The following PRUNE2 variants were observed in gnomAD, a reference collection of about 807,000 sequenced individuals.
PRUNE2 encodes the protein prune homolog 2 with BCH domain.
Under a neutral mutation model 252.0 loss-of-function variants are expected in PRUNE2, and 164 were observed. The observed-to-expected ratio is 0.65, with a 90% CI of 0.57 to 0.74. PRUNE2 has a LOEUF of 0.74. Among genes scored for constraint, PRUNE2 ranks in the 30% least tolerant of loss-of-function variants. The pLI is 0.00. For synonymous variants in PRUNE2, 1,292 were observed against 1,350.2 expected (o/e 0.96, Z 0.94); for missense variants, 3,495 against 3,711.0 (o/e 0.94, Z 1.51).
At chr9:76,656,157 C>T (rs1849138998) in intron 9 of PRUNE2, among the ~76,000 whole-genome samples, 1 of 152,164 alleles carries the variant, frequency 6.6e-6, no homozygotes, top group Admixed American at 6.6e-5. Context: ...GAGCCCACAA[C>T]CATCTGTATT....
intron 12 of PRUNE2, among the ~76,000 whole-genome samples, chr9:76,640,242 A>G (rs1841990558): frequency 6.6e-6 from 1 of 152,220 alleles, no homozygotes; most frequent in Non-Finnish European, 1.5e-5. Context: ...TCATGGCAGT[A>G]AAGTAATGGC....
At chr9:76,614,645 A>G (rs1480954312) in intron 18 of PRUNE2, 45 bp from the exon 19 acceptor site, 2 of 1,444,732 alleles carry the variant, frequency 1.4e-6, no homozygotes, top group African/African-American at 1.4e-5. Context: ...AAACCAAATG[A>G]GAGACATTTA....
intron 9 of PRUNE2, among the ~76,000 whole-genome samples, chr9:76,669,981 C>T (rs1212678915): frequency 6.6e-6 from 1 of 152,194 alleles, no homozygotes; most frequent in Non-Finnish European, 1.5e-5. Context: ...GTACTTTGCA[C>T]CACTTTGCCC....
At position 76,707,697 on chromosome 9, in the gene PRUNE2, C is replaced by T. The variant is rs1429409490; in HGVS notation, c.4577G>A (p.Gly1526Asp). ...ATCTCTGTCAAAATTTCCAGACGAA[C>T]CGGCTCCTGGAAGGCTATTTTCAGA... ...KGSENSLPGA[G>D]SSGNFDRDTI... The change falls in exon 8 of 19, where the codon GGT (glycine) becomes GAT (aspartate). Residue 1526 changes from glycine (G) to aspartate (D), a missense_variant. Transcript: ENST00000376718. 18 of 1,613,760 alleles carry T rather than the reference C, an allele frequency of 1.1e-5. No homozygotes were observed. Among genetic ancestry groups the T allele is most frequent in the Non-Finnish European group, 1.5e-5 (18 of 1,179,856 alleles).
chr9:76,647,695 T>C (rs1328444989), intron 11 of PRUNE2, among the ~76,000 whole-genome samples: 1 of 152,196 alleles, frequency 6.6e-6, no homozygotes, highest in Non-Finnish European at 1.5e-5. Context: ...CCAGGTGCAG[T>C]GGCTCACGCC....
At chr9:76,800,677 G>A (rs779427514) in intron 6 of PRUNE2, among the ~76,000 whole-genome samples, 3 of 152,070 alleles carry the variant, frequency 2.0e-5, no homozygotes, top group East Asian at 1.9e-4. Flanking sequence ...AAGACATTGC[G>A]CCCTACTCCT....
intron 9 of PRUNE2, among the ~76,000 whole-genome samples, chr9:76,669,764 C>T (rs996575602): frequency 6.6e-6 from 1 of 152,214 alleles, no homozygotes; most frequent in African/African-American, 2.4e-5. Context: ...GGGCAACCCT[C>T]ACTTGGCTTT....
chr9:76,807,975 C>T (rs55903340), intron 6 of PRUNE2, among the ~76,000 whole-genome samples: 40,547 of 151,928 alleles, frequency 0.27, 5,641 homozygotes, highest in African/African-American at 0.35. Context: ...GTCAGGAGTT[C>T]GAGACCAGCC....
intron 17 of PRUNE2, among the ~76,000 whole-genome samples, chr9:76,622,615 C>T (rs1423513743): frequency 3.3e-5 from 5 of 152,104 alleles, no homozygotes; most frequent in African/African-American, 4.8e-5. Context: ...TCTCACTGAG[C>T]GTTCTCTCTC....
At chr9:76,617,457 AAATGCAGCCC>A (rs1247127157) in intron 18 of PRUNE2, among the ~76,000 whole-genome samples, 1 of 152,068 alleles carries the variant, frequency 6.6e-6, no homozygotes, top group Non-Finnish European at 1.5e-5. Context: ...CAGAAGAAGT[AAATGCAGCCC>A]TTATTCTAAT....
At chr9:76,652,252 G>A in intron 11 of PRUNE2, 1 of 462,912 alleles carries the variant, frequency 2.2e-6, no homozygotes, top group Admixed American at 3.6e-5. Context: ...TAGCATAAAT[G>A]CTAGCACAGA....
chr9:76,673,875 C>T (rs2042010493), intron 9 of PRUNE2, among the ~76,000 whole-genome samples: 1 of 152,110 alleles, frequency 6.6e-6, no homozygotes, highest in African/African-American at 2.4e-5. Flanking sequence ...TAAAAACTCT[C>T]AATAAATTAG....
intron 6 of PRUNE2, among the ~76,000 whole-genome samples, chr9:76,724,523 C>T (rs1190423270): frequency 6.6e-6 from 1 of 152,086 alleles, no homozygotes; most frequent in East Asian, 1.9e-4. Context: ...GGGCTGATTT[C>T]AGGCACACCT....
rs201824666 is a variant in PRUNE2 at position 76,707,685 on chromosome 9, T to C, written c.4589A>G (p.Asn1530Ser). The change falls in exon 8 of 19, where the codon AAT (asparagine) becomes AGT (serine). Residue 1530 changes from asparagine (N) to serine (S), a missense_variant. Coordinates refer to ENST00000376718, the MANE Select transcript of PRUNE2 (RefSeq NM_015225.3). ...NSLPGAGSSG[N>S]FDRDTISSEY... Reference sequence around the variant, plus strand: ...ACTAGAAATAGTATCTCTGTCAAAATTTCCAGACGAACCGGCTCCTGGAAG... The same window carrying C: ...ACTAGAAATAGTATCTCTGTCAAAACTTCCAGACGAACCGGCTCCTGGAAG... 23 of 1,613,930 alleles carry C rather than the reference T, an allele frequency of 1.4e-5. No individual in the cohort carries two copies. The South Asian group carries it at 2.2e-4, about 15-fold the overall frequency.
At position 76,705,191 on chromosome 9, in the gene PRUNE2, G is replaced by A. The variant is rs774460664; in HGVS notation, c.7083C>T (p.Ile2361=). The part of the protein sequence containing the change: ...DFEYDVMGQN[I]DEDLLREPEH... Reference sequence around the variant, plus strand: ...CAGGCTCTCTCAGTAAATCTTCATCGATATTCTGGCCCATTACATCATATT... The same window carrying A: ...CAGGCTCTCTCAGTAAATCTTCATCAATATTCTGGCCCATTACATCATATT... Residue 2361 remains isoleucine (I), a synonymous_variant, in exon 8 of 19, where the codon ATC becomes ATT. Coordinates refer to ENST00000376718, the MANE Select transcript of PRUNE2 (RefSeq NM_015225.3). The A allele has an allele frequency of 1.4e-5, 22 of 1,613,986 alleles. No individual in the cohort carries two copies. In the South Asian group the frequency reaches 1.6e-4, roughly 12 times the overall value.
chr9:76,660,923 A>T (rs916183982), intron 9 of PRUNE2, among the ~76,000 whole-genome samples: 1 of 152,160 alleles, frequency 6.6e-6, no homozygotes, highest in Non-Finnish European at 1.5e-5. Context: ...ATATAAAAAA[A>T]CCCTATAAAC....
intron 9 of PRUNE2, among the ~76,000 whole-genome samples, chr9:76,681,369 G>C (rs1313545118): frequency 3.3e-5 from 5 of 150,742 alleles, no homozygotes; most frequent in Admixed American, 2.0e-4. Flanking sequence ...ACGGCAATGT[G>C]AATGTACCTA....
Position 76,709,441 on chromosome 9 carries a change from T to C in PRUNE2, c.2833A>G (p.Lys945Glu), listed in dbSNP as rs1292370729. 1 of 1,614,000 alleles carries C rather than the reference T, an allele frequency of 6.2e-7. No homozygotes were observed. Among genetic ancestry groups the C allele is most frequent in the South Asian group, 1.1e-5 (1 of 91,072 alleles). The change falls in exon 8 of 19, where the codon AAA (lysine) becomes GAA (glutamate). Residue 945 changes from lysine to glutamate, a missense_variant. Transcript: ENST00000376718. Reference protein sequence around the residue: ...VPWEDSFLSYKCSDYSASNLG... With the variant: ...VPWEDSFLSYECSDYSASNLG... ...TTGGATGCACTGTAATCAGAACATT[T>C]GTAAGATAAGAAGGAATCTTCCCAA...
chr9:76,788,427 C>T (rs1333048751), intron 6 of PRUNE2: 1 of 759,592 alleles, frequency 1.3e-6, no homozygotes, highest in Non-Finnish European at 2.5e-6. Context: ...TTAAGGTGCA[C>T]TGTAGCACAG....
Sources: allele counts gnomAD v4.1 joint callset (sites outside exome capture counted in the v4.1 genomes callset), GRCh38; gene constraint gnomAD v4.1.1; transcripts MANE v1.5; gene names NCBI Gene and HGNC (gene_info 2026-07-23, HGNC 2026-07-21).